Variants in TLN2 observed in about 807,000 individuals in gnomAD.
The protein encoded by TLN2 is talin-2.
TLN2 carries 118 observed loss-of-function variants against 294.7 expected under a neutral mutation model. The observed-to-expected ratio is 0.40, with a 90% CI of 0.34 to 0.47. The LOEUF is 0.47. TLN2 is among the 20% of genes least tolerant of loss of function. TLN2 has a pLI of 0.84. For missense variants in TLN2, 3,083 were observed against 3,282.2 expected (o/e 0.94, Z 1.48); for synonymous variants, 1,431 against 1,304.5 (o/e 1.10, Z -2.09).
intron 41 of TLN2, among the ~76,000 whole-genome samples, chr15:62,768,445 A>T (rs182234961): frequency 2.0e-5 from 3 of 152,094 alleles, no homozygotes; most frequent in Admixed American, 2.0e-4. Flanking sequence ...TTGTTATTGG[A>T]TTTAGAGCCC....
chr15:62,454,274 A>G (rs1483631375), intron 1 of TLN2, among the ~76,000 whole-genome samples: 1 of 152,190 alleles, frequency 6.6e-6, no homozygotes, highest in Non-Finnish European at 1.5e-5. Flanking sequence ...TTGTGTGGGC[A>G]GGAGGCAGAA....
intron 22 of TLN2, among the ~76,000 whole-genome samples, chr15:62,716,043 A>G (rs2059750675): frequency 6.6e-6 from 1 of 152,174 alleles, no homozygotes. Context: ...CATCTTTTAA[A>G]CCATGGGTTT....
At chr15:62,699,749 G>A (rs1344456624) in intron 16 of TLN2, among the ~76,000 whole-genome samples, 6 of 152,346 alleles carry the variant, frequency 3.9e-5, no homozygotes, top group Non-Finnish European at 5.9e-5. Flanking sequence ...ACCGGCTAGC[G>A]CTGTCATTCT....
At chr15:62,677,805 A>ACTTTTTTTTTTTTT (rs543701554) in intron 11 of TLN2, among the ~76,000 whole-genome samples, 342 of 11,150 alleles carry the variant, frequency 0.031, 33 homozygotes, top group Middle Eastern at 0.25. Flanking sequence ...AGCACTTGCA[A>ACTTTTTTTTTTTTT]CTTTTTTTTT....
At chr15:62,618,178 ATATTTT>A (rs10537215) in intron 2 of TLN2, among the ~76,000 whole-genome samples, 167 bp from the exon 3 acceptor site, 53,801 of 151,542 alleles carry the variant, frequency 0.36, 9,741 homozygotes, top group East Asian at 0.56. Context: ...ACCCTAGGAA[ATATTTT>A]TAGTGTTACA....
chr15:62,675,436 G>A lies in TLN2; in HGVS notation c.957+115G>A, dbSNP rs573226412. ...CTCACCCCCCTAGCATTTGCGGGTG[G>A]AACATCTGGCTAGTGCTGACCTGCG... On this transcript the variant is annotated intron_variant, in intron 11 of 58. Transcript: ENST00000636159. 1.0e-5 allele frequency: 11 copies of A among 1,047,810 alleles called. No homozygotes were observed. The East Asian group carries it at 2.3e-4, about 22-fold the overall frequency. 64.9% of individuals were successfully genotyped at this position (1,047,810 alleles called of 1,614,324 possible).
intron 9 of TLN2, among the ~76,000 whole-genome samples, chr15:62,672,796 G>T (rs557982863): frequency 6.6e-6 from 1 of 152,146 alleles, no homozygotes; most frequent in African/African-American, 2.4e-5. Flanking sequence ...GTGGTGTCGG[G>T]GGGTTGCCAC....
At chr15:62,552,051 A>G (rs1596099665) in intron 1 of TLN2, among the ~76,000 whole-genome samples, 1 of 152,258 alleles carries the variant, frequency 6.6e-6, no homozygotes, top group Middle Eastern at 3.4e-3. Flanking sequence ...TGAGTCAGGT[A>G]CTTCTTTGTT....
chr15:62,457,666 C>A (rs1176441128), intron 1 of TLN2, among the ~76,000 whole-genome samples: 1 of 152,114 alleles, frequency 6.6e-6, no homozygotes, highest in Non-Finnish European at 1.5e-5. Flanking sequence ...TTCCACATGT[C>A]TAGATGATAA....
chr15:62,690,596 C>G (rs1273377639), intron 12 of TLN2: 1 of 166,564 alleles, frequency 6.0e-6, no homozygotes, highest in African/African-American at 2.6e-5. Context: ...ACGCTCCTTA[C>G]TTCCCAGACG....
intron 1 of TLN2, among the ~76,000 whole-genome samples, chr15:62,411,429 A>ATGTGTG (rs71125998): frequency 0.083 from 11,393 of 136,516 alleles, 494 homozygotes; most frequent in African/African-American, 0.11. Flanking sequence ...TGAGTAATGG[A>ATGTGTG]TGTGTGTGTG....
At chr15:62,740,239 C>T (rs915647945) in intron 31 of TLN2, among the ~76,000 whole-genome samples, 17 of 152,164 alleles carry the variant, frequency 1.1e-4, no homozygotes, top group African/African-American at 3.9e-4. Context: ...TGTGCCAGGC[C>T]GAGATGTACA....
intron 3 of TLN2, among the ~76,000 whole-genome samples, chr15:62,640,594 G>A (rs1172088247): frequency 6.6e-6 from 1 of 152,078 alleles, no homozygotes; most frequent in African/African-American, 2.4e-5. Flanking sequence ...TGCGCCAAAG[G>A]GTGAGGGCTT....
intron 48 of TLN2, among the ~76,000 whole-genome samples, chr15:62,797,935 T>C (rs1189726105): frequency 2.0e-5 from 3 of 151,720 alleles, no homozygotes; most frequent in Non-Finnish European, 4.4e-5. Flanking sequence ...CCTGGAGGAA[T>C]CCAGCATTTA....
Position 62,397,428 on chromosome 15 carries a change from G to C in TLN2, c.-238+6743G>C, listed in dbSNP as rs1171779657. ...ACTTGCCACCATACCTGGCTAATTT[G>C]TATTTGATATTTTTTTGTAGAGACC... On this transcript the variant is annotated intron_variant, in intron 1 of 58. Coordinates refer to ENST00000636159, the MANE Select transcript of TLN2 (RefSeq NM_015059.3). 2.0e-5 allele frequency among the ~76,000 whole-genome samples: 3 copies of C among 151,956 alleles called. No homozygotes were observed. The South Asian group carries it at 6.2e-4, about 32-fold the overall frequency.
At chr15:62,827,133 C>CTTCACCTTCAAGTTCA (rs1248259189) in intron 54 of TLN2, among the ~76,000 whole-genome samples, 1 of 152,152 alleles carries the variant, frequency 6.6e-6, no homozygotes, top group African/African-American at 2.4e-5. Context: ...CCTTATGCTC[C>CTTCACCTTCAAGTTCA]TTCACCTTCA....
At chr15:62,430,836 C>T (rs571143899) in intron 1 of TLN2, among the ~76,000 whole-genome samples, 1 of 151,492 alleles carries the variant, frequency 6.6e-6, no homozygotes, top group African/African-American at 2.4e-5. Context: ...GGGACAGTTA[C>T]TGAGTGATAC....
intron 2 of TLN2, among the ~76,000 whole-genome samples, chr15:62,617,931 G>A (rs928331887): frequency 2.0e-5 from 3 of 150,790 alleles, no homozygotes; most frequent in African/African-American, 7.3e-5. Context: ...AGGAAGCTGA[G>A]TTATCCAAGT....
chr15:62,680,198 C>T (rs1186534779), intron 11 of TLN2, among the ~76,000 whole-genome samples: 4 of 152,120 alleles, frequency 2.6e-5, no homozygotes, highest in Non-Finnish European at 4.4e-5. Flanking sequence ...TTATCTATGT[C>T]TACCAAAAGG....
Sources: allele counts gnomAD v4.1 joint callset (sites outside exome capture counted in the v4.1 genomes callset), GRCh38; gene constraint gnomAD v4.1.1; transcripts MANE v1.5; gene names NCBI Gene and HGNC (gene_info 2026-07-23, HGNC 2026-07-21).